PRKN: variants seen among roughly 807,000 people sequenced by gnomAD.
The protein encoded by PRKN is parkin RBR E3 ubiquitin protein ligase.
Under a neutral mutation model 59.5 loss-of-function variants are expected in PRKN, and 56 were observed. The observed-to-expected ratio is 0.94, with a 90% CI of 0.76 to 1.18. PRKN has a LOEUF of 1.18. Among genes scored for constraint, PRKN ranks in the 50% most tolerant of loss-of-function variants. PRKN has a pLI of 0.00. For synonymous variants in PRKN, 250 were observed against 222.1 expected (o/e 1.13, Z -1.12); for missense variants, 657 against 596.4 (o/e 1.10, Z -1.06).
chr6:162,123,998 G>T (rs972782115), intron 4 of PRKN, among the ~76,000 whole-genome samples: 1 of 152,144 alleles, frequency 6.6e-6, no homozygotes, highest in Admixed American at 6.6e-5. Flanking sequence ...TGATTGCCCT[G>T]TAAGTATCAC....
rs1161367612 is a variant in PRKN, at chr6:162,010,899, TAC to T, written c.619-37484_619-37483del. On this transcript the variant is annotated intron_variant, in intron 5 of 11. Coordinates refer to ENST00000366898, the MANE Select transcript of PRKN (RefSeq NM_004562.3). ...AATATATTATATAATATATTATATA[TAC>T]TATAATATATTAAATATATAATATA... Among the ~76,000 whole-genome samples, 10 of 10,108 alleles carry T rather than the reference TAC, an allele frequency of 9.9e-4. No individual in the cohort carries two copies. The African/African-American group carries it at 0.013, about 13-fold the overall frequency. The allele number at this position is 10,108 out of a possible 152,430, so 6.6% of individuals were successfully genotyped here.
chr6:161,936,762 C>T (rs903600011), intron 6 of PRKN, among the ~76,000 whole-genome samples: 16 of 150,580 alleles, frequency 1.1e-4, no homozygotes, highest in African/African-American at 3.7e-4. Context: ...CCTAATTTGG[C>T]TCCTTCTGAC....
intron 6 of PRKN, among the ~76,000 whole-genome samples, chr6:161,918,504 G>T (rs1218220985): frequency 6.6e-6 from 1 of 152,162 alleles, no homozygotes; most frequent in Admixed American, 6.5e-5. Flanking sequence ...AGCCAAATGG[G>T]AGGACACCAG....
At position 161,410,298 on chromosome 6, in the gene PRKN, T is replaced by A. The variant is rs532169656; in HGVS notation, c.1084-23421A>T. 1.2e-4 allele frequency among the ~76,000 whole-genome samples: 18 copies of A among 152,258 alleles called. No homozygotes were observed. Among genetic ancestry groups the A allele is most frequent in the African/African-American group, 3.6e-4 (15 of 41,544 alleles). On this transcript the variant is annotated intron_variant, in intron 9 of 11. Transcript: ENST00000366898. This position sits in a 1 kb window ranked among gnomAD's most constrained non-coding sequence, Gnocchi z 5.3. ...GCCTGCTGTGTCCTCCTCCAGTGTA[T>A]CTGGGAGTGGTGGTTGATGTGAGCG...
chr6:161,964,079 C>T (rs1445834952), intron 6 of PRKN, among the ~76,000 whole-genome samples: 1 of 152,132 alleles, frequency 6.6e-6, no homozygotes, highest in East Asian at 1.9e-4. Context: ...CCTTGCTTTT[C>T]GCTGTACAGA....
Position 162,614,249 on chromosome 6 carries a change from C to T in PRKN, c.7+113413G>A, listed in dbSNP as rs955689023. Among the ~76,000 whole-genome samples, 4 of 152,056 alleles carry T rather than the reference C, an allele frequency of 2.6e-5. 1 individual carries two copies. Among genetic ancestry groups the T allele is most frequent in the South Asian group, 2.1e-4 (1 of 4,818 alleles). On this transcript the variant is annotated intron_variant, in intron 1 of 11. Coordinates refer to ENST00000366898, the MANE Select transcript of PRKN (RefSeq NM_004562.3). ...AGTTACTAGGTGAGTTACCTGAGTG[C>T]CTCTAGGGACTCAGGAGATGGCGGT...
At chr6:161,870,128 C>T (rs1794284426) in intron 6 of PRKN, among the ~76,000 whole-genome samples, 1 of 152,108 alleles carries the variant, frequency 6.6e-6, no homozygotes, top group Non-Finnish European at 1.5e-5. Flanking sequence ...TGCTTAGCTT[C>T]CAAGATCAGA....
At chr6:161,818,431 C>T (rs1476626639) in intron 6 of PRKN, among the ~76,000 whole-genome samples, 1 of 152,014 alleles carries the variant, frequency 6.6e-6, no homozygotes, top group Admixed American at 6.6e-5. Flanking sequence ...ACCTCCCATG[C>T]CCAAGTATCT....
intron 4 of PRKN, among the ~76,000 whole-genome samples, chr6:162,188,942 G>T (rs551413827): frequency 5.6e-4 from 85 of 152,120 alleles, no homozygotes; most frequent in Non-Finnish European, 7.6e-4. Flanking sequence ...TACAAAGCAA[G>T]CATGTAAGAG....
rs1385525498 is a variant in PRKN, at chr6:161,562,084, C to G, written c.933+7271G>C. Reference sequence around the variant, plus strand: ...CCAACACCATAAATCAGCATTCCTCCTCTGGAAGCCCCACCTTCTCAGCTT... The same window carrying G: ...CCAACACCATAAATCAGCATTCCTCGTCTGGAAGCCCCACCTTCTCAGCTT... On this transcript the variant is annotated intron_variant, in intron 8 of 11. Coordinates refer to ENST00000366898, the MANE Select transcript of PRKN (RefSeq NM_004562.3). The surrounding 1 kb of genome is among the most constrained non-coding windows in gnomAD (Gnocchi z 4.3). Among the ~76,000 whole-genome samples, 2 of 151,170 alleles carry G rather than the reference C, an allele frequency of 1.3e-5. No individual in the cohort carries two copies. The highest frequency in any genetic ancestry group is 3.0e-5 in the Non-Finnish European group (2 of 67,774).
At chr6:162,624,435 T>C (rs943104233) in intron 1 of PRKN, 1 of 152,186 alleles carries the variant, frequency 6.6e-6, no homozygotes. Context: ...ACCACAGCAA[T>C]GCAAAGCACT....
In PRKN at chr6:162,030,139, C is replaced by T. The variant is rs901370087; in HGVS notation, c.618+23952G>A. 1.4e-4 allele frequency among the ~76,000 whole-genome samples: 21 copies of T among 152,252 alleles called. No homozygotes were observed. In the East Asian group the frequency reaches 2.1e-3, roughly 15 times the overall value. ...ACAGGCGAGAACCACCGTGCCCAGC[C>T]GCTGCACCTTTCTGTTCCATGTTTT... On this transcript the variant is annotated intron_variant, in intron 5 of 11. Coordinates refer to ENST00000366898, the MANE Select transcript of PRKN (RefSeq NM_004562.3).
chr6:161,831,582 G>A (rs1283824521), intron 6 of PRKN, among the ~76,000 whole-genome samples: 2 of 152,180 alleles, frequency 1.3e-5, no homozygotes, highest in African/African-American at 2.4e-5. Context: ...TGAACTTGGC[G>A]AGGGAGCACT....
At chr6:161,609,188 T>C (rs532970968) in intron 7 of PRKN, among the ~76,000 whole-genome samples, 53 of 152,268 alleles carry the variant, frequency 3.5e-4, no homozygotes, top group African/African-American at 1.2e-3. Flanking sequence ...AGCTAGGAGA[T>C]TGCATTTTGA....
In PRKN at chr6:161,588,298, T is replaced by C. The variant is rs1175482223; in HGVS notation, c.872-18882A>G. Among the ~76,000 whole-genome samples the C allele has an allele frequency of 1.3e-5, 2 of 151,996 alleles. No homozygotes were observed. Among genetic ancestry groups the C allele is most frequent in the Non-Finnish European group, 2.9e-5 (2 of 68,000 alleles). ...ACCTGGGAGGCTGAGGCAGGAGAATTGCCTCAGGAGGAGGCAGGTTGTGGT... is the reference window on the plus strand; with the variant it reads ...ACCTGGGAGGCTGAGGCAGGAGAATCGCCTCAGGAGGAGGCAGGTTGTGGT... On this transcript the variant is annotated intron_variant, in intron 7 of 11. Transcript: ENST00000366898. This position sits in a 1 kb window ranked among gnomAD's most constrained non-coding sequence, Gnocchi z 5.0.
chr6:162,274,664 T>C (rs1195110315), intron 2 of PRKN, among the ~76,000 whole-genome samples: 4 of 152,184 alleles, frequency 2.6e-5, no homozygotes, highest in Non-Finnish European at 5.9e-5. Context: ...TCTTCCTGTT[T>C]TTACAATTAA....
At chr6:162,128,141 T>C (rs1781195246) in intron 4 of PRKN, among the ~76,000 whole-genome samples, 1 of 152,186 alleles carries the variant, frequency 6.6e-6, no homozygotes, top group African/African-American at 2.4e-5. Context: ...ATGTCTTCAG[T>C]GCTAGAGTGT....
chr6:162,711,327 T>C (rs1778527808), intron 1 of PRKN, among the ~76,000 whole-genome samples: 1 of 151,942 alleles, frequency 6.6e-6, no homozygotes, highest in Non-Finnish European at 1.5e-5. Flanking sequence ...TGGCTGCTGA[T>C]TGGTCTGAGT....
chr6:162,333,962 C>A (rs899591473), intron 2 of PRKN, among the ~76,000 whole-genome samples: 1 of 152,146 alleles, frequency 6.6e-6, no homozygotes, highest in African/African-American at 2.4e-5. Flanking sequence ...TGGAGAAAGT[C>A]TGAGTTATCT....
Sources: allele counts gnomAD v4.1 joint callset (sites outside exome capture counted in the v4.1 genomes callset), GRCh38; gene constraint gnomAD v4.1.1; non-coding constraint Gnocchi (gnomAD v3.1); transcripts MANE v1.5; gene names NCBI Gene and HGNC (gene_info 2026-07-23, HGNC 2026-07-21).